The following CDH18 variants were observed in gnomAD, a reference collection of about 807,000 sequenced individuals.
CDH18 encodes the protein cadherin 18.
A neutral mutation model predicts 67.9 loss-of-function variants in CDH18; 31 were observed. The ratio of observed to expected loss-of-function variants is 0.46; its 90% CI spans 0.34 to 0.62. CDH18 has a LOEUF of 0.62. Among genes scored for constraint, CDH18 ranks in the 20% least tolerant of loss-of-function variants. The pLI, the probability that CDH18 is intolerant of heterozygous loss-of-function variation, is 0.01. For missense variants in CDH18, 890 were observed against 975.5 expected (o/e 0.91, Z 1.17); for synonymous variants, 362 against 347.2 (o/e 1.04, Z -0.48).
chr5:20,203,727 A>C (rs1739646664), intron 2 of CDH18, among the ~76,000 whole-genome samples: 1 of 152,122 alleles, frequency 6.6e-6, no homozygotes, highest in Non-Finnish European at 1.5e-5. Flanking sequence ...CTTCCACAAG[A>C]AACAACAACA....
chr5:19,998,726 T>C (rs1736211872), intron 2 of CDH18, among the ~76,000 whole-genome samples: 1 of 152,136 alleles, frequency 6.6e-6, no homozygotes, highest in Non-Finnish European at 1.5e-5. Flanking sequence ...TAAGCAGTCA[T>C]AGATGCAAGA....
chr5:19,705,290 G>A (rs1763808879), intron 5 of CDH18, among the ~76,000 whole-genome samples: 1 of 152,030 alleles, frequency 6.6e-6, no homozygotes, highest in African/African-American at 2.4e-5. Context: ...CTCCTACTTG[G>A]GGACCTTAGC....
At chr5:19,947,585 C>CAAAAAAAAAA (rs35601486) in intron 2 of CDH18, among the ~76,000 whole-genome samples, 16 of 53,312 alleles carry the variant, frequency 3.0e-4, no homozygotes, top group Admixed American at 6.6e-4. Context: ...TACTAAAATA[C>CAAAAAAAAAA]AAAAAAAAAA....
chr5:20,441,351 G>T (rs1749591690), intron 1 of CDH18, among the ~76,000 whole-genome samples: 2 of 151,738 alleles, frequency 1.3e-5, no homozygotes, highest in Admixed American at 6.6e-5. Flanking sequence ...AAACGGGAGG[G>T]TCGCTATAAT....
At chr5:20,419,101 GA>G (rs1239169912) in intron 1 of CDH18, among the ~76,000 whole-genome samples, 1 of 151,986 alleles carries the variant, frequency 6.6e-6, no homozygotes, top group Non-Finnish European at 1.5e-5. Flanking sequence ...GAATCAAGGG[GA>G]CTTTCCGGTG....
At chr5:20,159,005 A>G (rs1378138851) in intron 2 of CDH18, 1 of 156,614 alleles carries the variant, frequency 6.4e-6, no homozygotes, top group Non-Finnish European at 1.5e-5. Flanking sequence ...TTGATAACAG[A>G]AAGGGGCTAA....
chr5:19,994,738 T>TATAG (rs1735809299), intron 2 of CDH18, among the ~76,000 whole-genome samples: 1 of 13,566 alleles, frequency 7.4e-5, no homozygotes, highest in African/African-American at 3.0e-4. Context: ...TATATATATA[T>TATAG]AGAGAGAGAG....
chr5:20,541,563 G>A (rs1330500702), intron 1 of CDH18, among the ~76,000 whole-genome samples: 4 of 152,042 alleles, frequency 2.6e-5, no homozygotes, highest in Admixed American at 2.6e-4. Context: ...AGCAAATTAG[G>A]ATGGATATAA....
intron 2 of CDH18, among the ~76,000 whole-genome samples, chr5:19,853,927 G>A (rs1017787111): frequency 6.6e-6 from 1 of 152,104 alleles, no homozygotes; most frequent in Non-Finnish European, 1.5e-5. Flanking sequence ...AATCATAAAA[G>A]AAAAGATTGT....
intron 2 of CDH18, among the ~76,000 whole-genome samples, chr5:20,159,610 C>G (rs530443006): frequency 3.2e-4 from 49 of 152,252 alleles, no homozygotes; most frequent in African/African-American, 1.2e-3. Flanking sequence ...TACCAAGAAG[C>G]TAATTTCCCT....
chr5:19,954,709 T>C (rs1288297726), intron 2 of CDH18, among the ~76,000 whole-genome samples: 1 of 152,090 alleles, frequency 6.6e-6, no homozygotes. Context: ...TATATATTCA[T>C]GTATATATTT....
At chr5:20,226,742 A>G (rs930893567) in intron 2 of CDH18, among the ~76,000 whole-genome samples, 2 of 152,146 alleles carry the variant, frequency 1.3e-5, no homozygotes, top group Admixed American at 6.6e-5. Flanking sequence ...ATTTACTACC[A>G]TATTAGAAAA....
chr5:20,533,208 G>A (rs867010097), intron 1 of CDH18, among the ~76,000 whole-genome samples: 2 of 152,040 alleles, frequency 1.3e-5, no homozygotes, highest in African/African-American at 2.4e-5. Flanking sequence ...TAAAAGCCAA[G>A]AGGCACAGAG....
At chr5:20,144,486 T>C (rs6882995) in intron 2 of CDH18, among the ~76,000 whole-genome samples, 130,094 of 152,094 alleles carry the variant, frequency 0.86, 56,876 homozygotes, top group Non-Finnish European at 0.94. Context: ...TGGCTCATAG[T>C]TTTACAGATG....
chr5:20,088,907 C>T (rs185537952), intron 2 of CDH18, among the ~76,000 whole-genome samples: 22 of 152,142 alleles, frequency 1.4e-4, no homozygotes, highest in South Asian at 1.0e-3. Flanking sequence ...TCTTTCAGAA[C>T]GATGGAAAGG....
At chr5:19,758,941 G>A (rs1771985105) in intron 3 of CDH18, among the ~76,000 whole-genome samples, 1 of 152,214 alleles carries the variant, frequency 6.6e-6, no homozygotes, top group African/African-American at 2.4e-5. Context: ...AGCGATCAAA[G>A]TCTCTCTGAA....
At chr5:20,520,830 G>A (rs975078518) in intron 1 of CDH18, among the ~76,000 whole-genome samples, 1 of 152,224 alleles carries the variant, frequency 6.6e-6, no homozygotes, top group Middle Eastern at 3.4e-3. Context: ...TGAGAGAAAA[G>A]ATCTAAAATA....
intron 2 of CDH18, among the ~76,000 whole-genome samples, chr5:20,037,377 T>C (rs556778075): frequency 6.6e-6 from 1 of 152,110 alleles, no homozygotes; most frequent in East Asian, 1.9e-4. Context: ...TCTACAGAAC[T>C]CTCCACCCCA....
intron 1 of CDH18, chr5:20,304,721 C>T: frequency 6.2e-7 from 1 of 1,611,390 alleles, no homozygotes; most frequent in Non-Finnish European, 8.5e-7. Context: ...GGTGTATCTT[C>T]AGTTTTGTTG....
Sources: gnomAD v4.1 joint callset for allele counts (sites outside exome capture counted in the v4.1 genomes callset) on GRCh38, gnomAD v4.1.1 for gene constraint, MANE v1.5 for transcripts, NCBI Gene and HGNC (gene_info 2026-07-23, HGNC 2026-07-21) for gene names.